Variants in ZNF565 observed in about 807,000 individuals in gnomAD.
ZNF565 encodes the protein zinc finger protein 565.
A neutral mutation model predicts 39.4 loss-of-function variants in ZNF565; 27 were observed. That is an observed-to-expected ratio of 0.69 (90% confidence interval 0.51 to 0.95). The LOEUF (loss-of-function observed/expected upper bound fraction) is 0.95, where lower values mean the gene tolerates loss of function less well. ZNF565 is among the 40% of genes least tolerant of loss of function. The probability of loss-of-function intolerance (pLI) is 0.00; values close to 1 mark genes in which losing one functional copy is unlikely to be tolerated. For synonymous variants in ZNF565, 185 were observed against 216.6 expected, an observed-to-expected ratio of 0.85 and a Z score of 1.28; for missense variants, 524 against 621.1, an observed-to-expected ratio of 0.84 and a Z score of 1.66.
At chr19:36,225,691 G>T (rs1977034209) in intron 1 of ZNF565, among the ~76,000 whole-genome samples, 1 of 148,294 alleles carries the variant, frequency 6.7e-6, no homozygotes, top group African/African-American at 2.5e-5. Flanking sequence ...ACCCACCTCA[G>T]TGTCTCAAAG....
chr19:36,214,039 C>T (rs1976480568), intron 1 of ZNF565, among the ~76,000 whole-genome samples: 1 of 151,700 alleles, frequency 6.6e-6, no homozygotes, highest in Non-Finnish European at 1.5e-5. Flanking sequence ...TGGTACTTTA[C>T]GGCACCCAGT....
chr19:36,238,416 GA>G (rs1977724016), intron 1 of ZNF565: 1 of 167,072 alleles, frequency 6.0e-6, no homozygotes, highest in Non-Finnish European at 1.5e-5. Flanking sequence ...TGGGAGGTGG[GA>G]TGGGTATTGG....
rs182320466 is a variant in ZNF565, at chr19:36,204,728, G to A, written c.-65-2678C>T. 2.6e-3 allele frequency among the ~76,000 whole-genome samples: 403 copies of A among 152,210 alleles called. 3 individuals are homozygous for A. The highest frequency in any genetic ancestry group is 9.0e-3 in the African/African-American group (372 of 41,562). ...GTATAGGCCAGGTGTGGTGGCTCAC[G>A]CCTGTCATCCCACCACTTTGGGAGG... On this transcript the variant is annotated intron_variant, in intron 1 of 4. Transcript: ENST00000304116.
intron 4 of ZNF565, among the ~76,000 whole-genome samples, chr19:36,184,291 G>A (rs1007032729): frequency 6.6e-6 from 1 of 151,780 alleles, no homozygotes; most frequent in Non-Finnish European, 1.5e-5. Context: ...CTTTGAGACG[G>A]AGTCTTGCTC....
Position 36,183,284 on chromosome 19 carries a change from A to G in ZNF565, c.682T>C (p.Cys228Arg). 2 of 1,614,198 alleles carry G rather than the reference A, an allele frequency of 1.2e-6. No homozygotes were observed. Among genetic ancestry groups the G allele is most frequent in the Middle Eastern group, 1.7e-4 (1 of 6,060 alleles). ...TGEKPYDCKDCGKAFGRTSEL... is the reference protein window; with the variant it reads ...TGEKPYDCKDRGKAFGRTSEL... Reference sequence around the variant, plus strand: ...GATGTACGACCAAAGGCCTTCCCACAGTCCTTACAGTCATAAGGTTTCTCA... The same window carrying G: ...GATGTACGACCAAAGGCCTTCCCACGGTCCTTACAGTCATAAGGTTTCTCA... Residue 228 changes from cysteine (C) to arginine (R), a missense_variant, in exon 5 of 5, where the codon TGT becomes CGT. Coordinates refer to ENST00000304116, the MANE Select transcript of ZNF565 (RefSeq NM_152477.5).
intron 1 of ZNF565, among the ~76,000 whole-genome samples, chr19:36,227,079 A>G (rs4293497): frequency 0.64 from 95,533 of 149,268 alleles, 30,457 homozygotes; most frequent in Middle Eastern, 0.73. Flanking sequence ...GTAAAACTCC[A>G]TCTCAAAAAA....
intron 2 of ZNF565, among the ~76,000 whole-genome samples, chr19:36,201,088 G>GC (rs1226805952): frequency 6.6e-6 from 1 of 152,122 alleles, no homozygotes; most frequent in Non-Finnish European, 1.5e-5. Context: ...AACCAATTGA[G>GC]CCCCGGAGTT....
chr19:36,192,371 A>G (rs1165593389), intron 4 of ZNF565, among the ~76,000 whole-genome samples: 1 of 152,154 alleles, frequency 6.6e-6, no homozygotes, highest in Admixed American at 6.6e-5. Flanking sequence ...TATTCTTGCT[A>G]AAATGCAGAA....
intron 1 of ZNF565, among the ~76,000 whole-genome samples, chr19:36,242,070 A>G (rs1182113256): frequency 1.3e-5 from 2 of 152,250 alleles, no homozygotes; most frequent in African/African-American, 4.8e-5. Flanking sequence ...ATCAGACACT[A>G]TCAAGAAACT....
At chr19:36,186,154 G>A (rs1048237800) in intron 4 of ZNF565, among the ~76,000 whole-genome samples, 2 of 152,028 alleles carry the variant, frequency 1.3e-5, no homozygotes, top group East Asian at 1.9e-4. Flanking sequence ...GTGCTGCCAC[G>A]CCCGGCCAAT....
At chr19:36,189,773 A>C (rs1198891841) in intron 4 of ZNF565, among the ~76,000 whole-genome samples, 1 of 152,226 alleles carries the variant, frequency 6.6e-6, no homozygotes, top group Non-Finnish European at 1.5e-5. Flanking sequence ...AATAGGCTTA[A>C]TATTTTAATA....
chr19:36,190,405 C>T (rs1282806049), intron 4 of ZNF565, among the ~76,000 whole-genome samples: 5 of 150,134 alleles, frequency 3.3e-5, no homozygotes, highest in Admixed American at 2.7e-4. Flanking sequence ...GGAGAAACCC[C>T]GCCTCTACTA....
At chr19:36,200,938 C>G in intron 2 of ZNF565, among the ~76,000 whole-genome samples, 1 of 152,116 alleles carries the variant, frequency 6.6e-6, no homozygotes, top group East Asian at 1.9e-4. Flanking sequence ...GCACCCACCA[C>G]CACTGCACCC....
At position 36,182,708 on chromosome 19, in the gene ZNF565, C is replaced by T. The variant is rs768296047; in HGVS notation, c.1258G>A (p.Glu420Lys). The T allele has an allele frequency of 3.7e-6, 6 of 1,614,038 alleles. No individual in the cohort carries two copies. The highest frequency in any genetic ancestry group is 1.3e-5 in the African/African-American group (1 of 74,928). The part of the protein sequence containing the change: ...QRIHTGDKPY[E>K]CKECGKAFIR... ...AAGGCCTTCCCACATTCCTTACATT[C>T]GTAGGGTTTGTCACCTGTATGAATT... Residue 420 changes from glutamate to lysine, a missense_variant, in exon 5 of 5, where the codon GAA becomes AAA. Physicochemically the swap from Glu to Lys is moderately conservative, Grantham distance 56. Transcript: ENST00000304116.
intron 2 of ZNF565, among the ~76,000 whole-genome samples, chr19:36,195,939 A>AT (rs112487353): frequency 0.36 from 50,873 of 141,386 alleles, 8,970 homozygotes; most frequent in Non-Finnish European, 0.38. Flanking sequence ...AAGATGAAGA[A>AT]TTTTTTTTTT....
intron 4 of ZNF565, among the ~76,000 whole-genome samples, chr19:36,192,495 C>T (rs932981804): frequency 5.9e-5 from 9 of 151,896 alleles, no homozygotes; most frequent in Non-Finnish European, 1.2e-4. Context: ...AATCCCAGCA[C>T]TTTGGAAGGT....
At chr19:36,191,096 CTTT>C (rs903262734) in intron 4 of ZNF565, among the ~76,000 whole-genome samples, 2 of 138,674 alleles carry the variant, frequency 1.4e-5, no homozygotes. Flanking sequence ...ACAGCATATT[CTTT>C]TTTTTTTTTT....
chr19:36,226,611 A>G (rs1051567990), intron 1 of ZNF565, among the ~76,000 whole-genome samples: 1 of 152,174 alleles, frequency 6.6e-6, no homozygotes, highest in African/African-American at 2.4e-5. Context: ...AGTTGTGGAC[A>G]TGCTTCCTTT....
intron 4 of ZNF565, among the ~76,000 whole-genome samples, chr19:36,190,211 C>T (rs1378240218): frequency 2.6e-5 from 4 of 152,116 alleles, no homozygotes; most frequent in Non-Finnish European, 5.9e-5. Flanking sequence ...GATAACGGCA[C>T]TCAAAGATGT....
Sources: allele counts gnomAD v4.1 joint callset (sites outside exome capture counted in the v4.1 genomes callset), GRCh38; gene constraint gnomAD v4.1.1; transcripts MANE v1.5; gene names NCBI Gene and HGNC (gene_info 2026-07-23, HGNC 2026-07-21).